ACVR1B: variants seen among roughly 807,000 people sequenced by gnomAD.
ACVR1B encodes the protein activin receptor type-1B.
ACVR1B carries 15 observed loss-of-function variants against 55.6 expected under a neutral mutation model. The observed-to-expected ratio is 0.27, with a 90% CI of 0.18 to 0.42. The LOEUF (loss-of-function observed/expected upper bound fraction) is 0.42. ACVR1B is among the 10% of genes least tolerant of loss of function. The pLI, the probability that ACVR1B is intolerant of heterozygous loss-of-function variation, is 1.00. For synonymous variants in ACVR1B, 247 were observed against 254.6 expected (o/e 0.97, Z 0.28); for missense variants, 359 against 670.1 (o/e 0.54, Z 5.13).
At chr12:51,986,696 C>T in intron 6 of ACVR1B, 122 bp from the exon 7 acceptor site, 1 of 1,346,608 alleles carries the variant, frequency 7.4e-7, no homozygotes, top group Non-Finnish European at 1.0e-6. Context: ...ACTTCTTCTG[C>T]CCCAAGGGAC....
chr12:51,985,403 C>T, intron 6 of ACVR1B, 55 bp downstream of exon 6: 1 of 1,546,406 alleles, frequency 6.5e-7, no homozygotes, highest in Non-Finnish European at 8.7e-7. Context: ...AGTATCCCAT[C>T]TGTGCCGTTT....
chr12:51,989,839 G>T (rs1057125563), intron 7 of ACVR1B, among the ~76,000 whole-genome samples: 3 of 151,934 alleles, frequency 2.0e-5, no homozygotes, highest in African/African-American at 7.3e-5. Context: ...CAAAAAAATT[G>T]CCAGGTATGG....
At chr12:51,979,020 G>T (rs993595848) in intron 3 of ACVR1B, among the ~76,000 whole-genome samples, 5 of 150,806 alleles carry the variant, frequency 3.3e-5, no homozygotes, top group Non-Finnish European at 7.4e-5. Flanking sequence ...AAAATTAGCC[G>T]GGTGTAGTGG....
intron 1 of ACVR1B, among the ~76,000 whole-genome samples, chr12:51,955,013 A>G (rs1437682764): frequency 6.6e-6 from 1 of 152,204 alleles, no homozygotes; most frequent in Admixed American, 6.5e-5. Flanking sequence ...AGGCTCTTAC[A>G]TCGTCGACTA....
In ACVR1B at chr12:51,975,434, G is replaced by A. The variant is rs543085357; in HGVS notation, c.261G>A (p.Ser87=). ...GGAAGCCCTTCTACTGCCTGAGCTC[G>A]GAGGACCTGCGCAACACCCACTGCT... ...PAGKPFYCLS[S]EDLRNTHCCY... is the part of the protein sequence containing the mutation. The change falls in exon 2 of 9, where the codon TCG becomes TCA. Residue 87 remains serine (S), a synonymous_variant. Transcript: ENST00000257963. 8.1e-6 allele frequency: 13 copies of A among 1,614,166 alleles called. No individual in the cohort carries two copies. The highest frequency in any genetic ancestry group is 5.3e-5 in the African/African-American group (4 of 75,008).
At chr12:51,978,829 CAAAAAAAA>C (rs34088542) in intron 3 of ACVR1B, among the ~76,000 whole-genome samples, 16 of 48,280 alleles carry the variant, frequency 3.3e-4, no homozygotes, top group Non-Finnish European at 5.2e-4. Context: ...GACTCCGTCT[CAAAAAAAA>C]AAAAAAAAAA....
chr12:51,978,861 G>T (rs561025180), intron 3 of ACVR1B, among the ~76,000 whole-genome samples: 2 of 149,808 alleles, frequency 1.3e-5, no homozygotes, highest in African/African-American at 4.9e-5. Context: ...GCTGACCCAG[G>T]ATTGGATCAG....
chr12:51,951,735 G>T lies in ACVR1B; in HGVS notation c.-9G>T. On this transcript the variant is annotated 5_prime_UTR_variant, in exon 1 of 9. Coordinates refer to ENST00000257963, the MANE Select transcript of ACVR1B (RefSeq NM_004302.5). ...GGCTGCGGCGGCGGCGGCGGCGGCG[G>T]TGGTTACTATGGCGGAGTCGGCCGG... 1 of 1,242,862 alleles carries T rather than the reference G, an allele frequency of 8.0e-7. No homozygotes were observed. Among genetic ancestry groups the T allele is most frequent in the Non-Finnish European group, 1.0e-6 (1 of 983,252 alleles). The allele number at this position is 1,242,862 out of a possible 1,614,324, so 77.0% of individuals were successfully genotyped here. A position where few individuals can be genotyped will look rare whatever the true frequency, so the allele number is the denominator to read the frequency against.
intron 3 of ACVR1B, among the ~76,000 whole-genome samples, chr12:51,980,450 C>A (rs545490105): frequency 6.6e-6 from 1 of 152,294 alleles, no homozygotes; most frequent in East Asian, 1.9e-4. Context: ...ATCTGGAGTT[C>A]GCTTGTGAGC....
At chr12:51,952,341 G>A (rs1015968729) in intron 1 of ACVR1B, among the ~76,000 whole-genome samples, 89 of 152,118 alleles carry the variant, frequency 5.9e-4, no homozygotes, top group African/African-American at 2.1e-3. Flanking sequence ...GTAGGGGAAG[G>A]GGTCTCTAAC....
intron 1 of ACVR1B, among the ~76,000 whole-genome samples, chr12:51,952,848 C>T (rs932347386): frequency 2.1e-5 from 3 of 141,708 alleles, no homozygotes; most frequent in Non-Finnish European, 1.5e-5. Flanking sequence ...CCTCCCAATC[C>T]CCACAGTCTG....
At chr12:51,972,463 C>CG (rs1389339701) in intron 1 of ACVR1B, among the ~76,000 whole-genome samples, 1 of 152,132 alleles carries the variant, frequency 6.6e-6, no homozygotes, top group Non-Finnish European at 1.5e-5. Context: ...ACATACTGTA[C>CG]AGGTTTCTAG....
chr12:51,958,263 T>C (rs1461073957), intron 1 of ACVR1B, among the ~76,000 whole-genome samples: 1 of 152,232 alleles, frequency 6.6e-6, no homozygotes, highest in Non-Finnish European at 1.5e-5. Context: ...GTTGAGTACC[T>C]ACCATGGTGA....
chr12:51,994,364 C>G lies in ACVR1B; in HGVS notation c.*254C>G. The G allele has an allele frequency of 2.3e-6, 1 of 431,274 alleles. No individual in the cohort carries two copies. The highest frequency in any genetic ancestry group is 4.2e-6 in the Non-Finnish European group (1 of 239,044). The allele number at this position is 431,274 out of a possible 1,614,324, so 26.7% of individuals were successfully genotyped here. ...TTGTGTGGAGAACTCAGTGCCACAC[C>G]TCGAACTGGTTGTAGTGGGAAGTCC... On this transcript the variant is annotated 3_prime_UTR_variant, in exon 9 of 9. Coordinates refer to ENST00000257963, the MANE Select transcript of ACVR1B (RefSeq NM_004302.5). This position sits in a 1 kb window ranked among gnomAD's most constrained non-coding sequence, Gnocchi z 4.2.
intron 1 of ACVR1B, among the ~76,000 whole-genome samples, chr12:51,969,909 T>A (rs995576697): frequency 2.6e-5 from 4 of 152,058 alleles, no homozygotes; most frequent in Admixed American, 6.6e-5. Context: ...GAAAATTTTT[T>A]AAAAAGTCTT....
rs962248218 is a variant in ACVR1B at position 51,957,549 on chromosome 12, G to A, written c.91+5715G>A. ...GCCTCCCAAGTGGCTAGGATCACACGCACATGCCACCATACCCGGCTAATG... is the reference window on the plus strand; with the variant it reads ...GCCTCCCAAGTGGCTAGGATCACACACACATGCCACCATACCCGGCTAATG... On this transcript the variant is annotated intron_variant, in intron 1 of 8. Transcript: ENST00000257963. Among the ~76,000 whole-genome samples the A allele has an allele frequency of 2.0e-5, 3 of 151,400 alleles. No individual in the cohort carries two copies. In the South Asian group the frequency reaches 6.3e-4, roughly 32 times the overall value.
chr12:51,974,527 G>T (rs538484205), intron 1 of ACVR1B, among the ~76,000 whole-genome samples: 1 of 152,088 alleles, frequency 6.6e-6, no homozygotes, highest in Admixed American at 6.5e-5. Flanking sequence ...GTGTGTGCGC[G>T]CGCACACTCA....
Position 51,981,093 on chromosome 12 carries a change from A to C in ACVR1B, c.705A>C (p.Ile235=). 6.2e-7 allele frequency: 1 copy of C among 1,614,136 alleles called. No individual in the cohort carries two copies. The highest frequency in any genetic ancestry group is 1.1e-5 in the South Asian group (1 of 91,076). The change falls in exon 4 of 9, where the codon ATA becomes ATC. Residue 235 remains isoleucine, a synonymous_variant. Transcript: ENST00000257963. ...GGGGTGGTGATGTGGCTGTGAAAAT[A>C]TTCTCTTCTCGTGAAGAACGGTCTT... ...RWRGGDVAVK[I]FSSREERSWF...
At chr12:51,987,043 C>G in intron 7 of ACVR1B, 101 bp downstream of exon 7, 2 of 1,505,716 alleles carry the variant, frequency 1.3e-6, no homozygotes, top group South Asian at 1.1e-5. Context: ...CTGTTGGATG[C>G]CTGTTGCCAG....
Sources: allele counts gnomAD v4.1 joint callset (sites outside exome capture counted in the v4.1 genomes callset), GRCh38; gene constraint gnomAD v4.1.1; non-coding constraint Gnocchi (gnomAD v3.1); transcripts MANE v1.5; gene names NCBI Gene and HGNC (gene_info 2026-07-23, HGNC 2026-07-21).